The following NLE1 variants were observed in gnomAD, a reference collection of about 807,000 sequenced individuals.
NLE1 encodes the protein notchless protein homolog 1.
In NLE1, 37 loss-of-function variants were observed where a neutral mutation model predicts 62.8. The observed-to-expected ratio is 0.59, with a 90% CI of 0.45 to 0.78. The LOEUF is 0.78. Among genes scored for constraint, NLE1 ranks in the 30% least tolerant of loss-of-function variants. The probability of loss-of-function intolerance (pLI) is 0.00; values close to 1 mark genes in which losing one functional copy is unlikely to be tolerated. For missense variants in NLE1, 555 were observed against 637.9 expected, an observed-to-expected ratio of 0.87 and a Z score of 1.40; for synonymous variants, 243 against 253.0, an observed-to-expected ratio of 0.96 and a Z score of 0.37.
In NLE1 at chr17:35,139,284, G is replaced by A. The variant is rs908006482; in HGVS notation, c.411C>T (p.Thr137=). ...KYLASGSGDT[T]VRFWDLSTET... is the part of the protein sequence containing the mutation. ...CTGTGCTGAGATCCCAGAAGCGCACGGTGGTGTCTCCAGAGCCACTGGCCA... is the reference window on the plus strand; with the variant it reads ...CTGTGCTGAGATCCCAGAAGCGCACAGTGGTGTCTCCAGAGCCACTGGCCA... The change falls in exon 4 of 13, where the codon ACC becomes ACT. Residue 137 remains threonine, a synonymous_variant. Transcript: ENST00000442241. 9.3e-6 allele frequency: 15 copies of A among 1,613,932 alleles called. No homozygotes were observed. Among genetic ancestry groups the A allele is most frequent in the Middle Eastern group, 1.6e-4 (1 of 6,082 alleles).
Position 35,129,392 on chromosome 17 carries a change from A to T in NLE1, c.*3045T>A, listed in dbSNP as rs375266931. 2 of 1,607,430 alleles carry T rather than the reference A, an allele frequency of 1.2e-6. No individual in the cohort carries two copies. Among genetic ancestry groups the T allele is most frequent in the African/African-American group, 2.7e-5 (2 of 74,772 alleles). On this transcript the variant is annotated 3_prime_UTR_variant, in exon 13 of 13. Transcript: ENST00000442241. ...GGACAGGAAGGACAGGACATATCTG[A>T]GGAAGCCTCGGGGCTCTCTCTTCCC...
At chr17:35,136,958 T>G (rs1307641309) in intron 7 of NLE1, 43 bp downstream of exon 7, 5 of 1,528,786 alleles carry the variant, frequency 3.3e-6, no homozygotes, top group Non-Finnish European at 4.5e-6. Flanking sequence ...ATCTTGTGAC[T>G]TGCGATTTTC....
chr17:35,140,108 T>C (rs374635496), intron 2 of NLE1, 42 bp from the exon 3 acceptor site: 1 of 1,595,740 alleles, frequency 6.3e-7, no homozygotes, highest in African/African-American at 1.3e-5. Flanking sequence ...ACAATGGATG[T>C]GCAGGGGCAC....
chr17:35,138,253 T>C (rs1052808911), intron 4 of NLE1, among the ~76,000 whole-genome samples: 3 of 152,200 alleles, frequency 2.0e-5, no homozygotes, highest in African/African-American at 4.8e-5. Flanking sequence ...GAACATGCCC[T>C]ACACACACAA....
chr17:35,141,120 C>T (rs1159947081), intron 2 of NLE1, among the ~76,000 whole-genome samples: 1 of 152,202 alleles, frequency 6.6e-6, no homozygotes. Context: ...CCCAAAACGC[C>T]TGTTAAAAAA....
intron 4 of NLE1, 133 bp downstream of exon 4, chr17:35,139,102 C>A: frequency 1.5e-6 from 1 of 678,468 alleles, no homozygotes; most frequent in Non-Finnish European, 2.5e-6. Flanking sequence ...CTGCTTGAAC[C>A]CAGGAGTTCA....
At position 35,132,469 on chromosome 17, in the gene NLE1, G is replaced by A; in HGVS notation, c.1446-20C>T. 1 of 1,385,164 alleles carries A rather than the reference G, an allele frequency of 7.2e-7. No homozygotes were observed. The highest frequency in any genetic ancestry group is 3.2e-5 in the Admixed American group (1 of 31,092). 85.8% of individuals were successfully genotyped at this position (1,385,164 alleles called of 1,614,324 possible). ...CTCCATCTGTGGAGAAGGGAAGGGT[G>A]TCAGGATGGGGATTCCACCTTAGGA... On this transcript the variant is annotated intron_variant, in intron 12 of 12. Transcript: ENST00000442241.
chr17:35,142,235 C>G (rs2091948883), intron 1 of NLE1, 23 bp downstream of exon 1: 1 of 1,552,822 alleles, frequency 6.4e-7, no homozygotes, highest in Non-Finnish European at 8.7e-7. Flanking sequence ...CGACGCCCCC[C>G]GCCCCCATCC....
At chr17:35,138,374 C>T (rs985799468) in intron 4 of NLE1, among the ~76,000 whole-genome samples, 2 of 152,162 alleles carry the variant, frequency 1.3e-5, no homozygotes, top group Non-Finnish European at 2.9e-5. Flanking sequence ...CCAGGCCCTA[C>T]CCCAGGCCCA....
rs141830915 is a variant in NLE1, at chr17:35,130,436, G to C, written c.*2001C>G. On this transcript the variant is annotated 3_prime_UTR_variant, in exon 13 of 13. Transcript: ENST00000442241. ...CTGGAATACCTATTTCCCTGTTAAG[G>C]GGGAGGGCCCCAGGACACCCCTCAC... 1.2e-6 allele frequency: 2 copies of C among 1,613,312 alleles called. No homozygotes were observed. The highest frequency in any genetic ancestry group is 1.7e-5 in the Admixed American group (1 of 59,962).
chr17:35,130,552 G>A lies in NLE1; in HGVS notation c.*1885C>T, dbSNP rs369614645. 39 of 1,117,246 alleles carry A rather than the reference G, an allele frequency of 3.5e-5. No homozygotes were observed. Among genetic ancestry groups the A allele is most frequent in the African/African-American group, 1.6e-4 (10 of 64,056 alleles). 69.2% of individuals were successfully genotyped at this position (1,117,246 alleles called of 1,614,324 possible). A position where few individuals can be genotyped will look rare whatever the true frequency, so the allele number is the denominator to read the frequency against. ...CCCTGCGGGCCCGGGGTCTGGCAGA[G>A]TGGTATGGGCACCCCACCCCTGGGC... On this transcript the variant is annotated 3_prime_UTR_variant, in exon 13 of 13. Transcript: ENST00000442241.
At position 35,142,279 on chromosome 17, in the gene NLE1, G is replaced by C. The variant is rs1270363371; in HGVS notation, c.-4C>G. The C allele has an allele frequency of 1.9e-5, 29 of 1,540,946 alleles. No homozygotes were observed. The highest frequency in any genetic ancestry group is 2.4e-5 in the Non-Finnish European group (27 of 1,146,346). On this transcript the variant is annotated 5_prime_UTR_variant, in exon 1 of 13. Transcript: ENST00000442241. ...CCACCGGCACTGCTGCCGCCATCCT[G>C]CGTCCCCACGTGGAGGAGAAAGAGC...
At position 35,132,422 on chromosome 17, in the gene NLE1, G is replaced by T; in HGVS notation, c.*15C>A. The T allele has an allele frequency of 6.9e-7, 1 of 1,443,644 alleles. No individual in the cohort carries two copies. The allele number at this position is 1,443,644 out of a possible 1,614,324, so 89.4% of individuals were successfully genotyped here. A position where few individuals can be genotyped will look rare whatever the true frequency, so the allele number is the denominator to read the frequency against. The stretch of plus-strand genomic sequence containing the variant: ...GCCGAGTCGAGGTGGGGGTCAGAGA[G>T]AACTTCGGGCCGTCTCATCTCCTCC... On this transcript the variant is annotated 3_prime_UTR_variant, in exon 13 of 13. Transcript: ENST00000442241.
intron 9 of NLE1, among the ~76,000 whole-genome samples, chr17:35,135,812 G>A (rs916282625): frequency 2.0e-5 from 3 of 152,158 alleles, no homozygotes; most frequent in Non-Finnish European, 4.4e-5. Flanking sequence ...TCTCTGGAAG[G>A]TGATTCAGGA....
chr17:35,130,279 C>A lies in NLE1; in HGVS notation c.*2158G>T. 1 of 1,613,212 alleles carries A rather than the reference C, an allele frequency of 6.2e-7. No individual in the cohort carries two copies. Among genetic ancestry groups the A allele is most frequent in the Non-Finnish European group, 8.5e-7 (1 of 1,179,552 alleles). ...TCTGAAGGGTTTTCTTGTTTCACTT[C>A]AGTTTGCAACCCTGGCCACTGACTT... On this transcript the variant is annotated 3_prime_UTR_variant, in exon 13 of 13. Coordinates refer to ENST00000442241, the MANE Select transcript of NLE1 (RefSeq NM_018096.5).
At chr17:35,136,109 T>C (rs2091906706) in intron 9 of NLE1, 60 bp downstream of exon 9, 1 of 1,559,920 alleles carries the variant, frequency 6.4e-7, no homozygotes, top group African/African-American at 1.4e-5. Flanking sequence ...TGAGAGGGTT[T>C]TAGTGATTGG....
At chr17:35,138,532 C>T (rs988882983) in intron 4 of NLE1, among the ~76,000 whole-genome samples, 2 of 152,208 alleles carry the variant, frequency 1.3e-5, no homozygotes, top group Admixed American at 1.3e-4. Context: ...CAACCTCCGC[C>T]TCCTAGATTC....
intron 10 of NLE1, 28 bp downstream of exon 10, chr17:35,135,221 C>A (rs767350578): frequency 1.2e-6 from 2 of 1,605,976 alleles, no homozygotes; most frequent in Admixed American, 1.7e-5. Context: ...TCACTCCTTA[C>A]AGAGAAGCAG....
At position 35,135,355 on chromosome 17, in the gene NLE1, C is replaced by A. The variant is rs770491871; in HGVS notation, c.1108G>T (p.Gly370Ter). 6.2e-6 allele frequency: 10 copies of A among 1,614,178 alleles called. No individual in the cohort carries two copies. The highest frequency in any genetic ancestry group is 8.5e-6 in the Non-Finnish European group (10 of 1,180,028). The change falls in exon 10 of 13, where the codon GGA (glycine) becomes TGA (stop). Residue 370 changes from glycine (G) to a stop codon, truncating the protein, a stop_gained. Coordinates refer to ENST00000442241, the MANE Select transcript of NLE1 (RefSeq NM_018096.5). LOFTEE classifies it high-confidence loss of function. ...EDKKPLTRMT[G>*]HQALINQVLF... ...ACCTGGTTGATGAGAGCTTGGTGTC[C>A]TGTCATCCGAGTGAGAGGCTTTTTG...
Sources: gnomAD v4.1 joint callset for allele counts (sites outside exome capture counted in the v4.1 genomes callset) on GRCh38, gnomAD v4.1.1 for gene constraint, MANE v1.5 for transcripts, NCBI Gene and HGNC (gene_info 2026-07-23, HGNC 2026-07-21) for gene names.